MTOR: variants seen among roughly 807,000 people sequenced by gnomAD.
MTOR encodes serine/threonine-protein kinase mTOR.
In MTOR, 70 loss-of-function variants were observed where a neutral mutation model predicts 319.8. The ratio of observed to expected loss-of-function variants is 0.22; its 90% CI spans 0.18 to 0.27. MTOR has a LOEUF of 0.27. Ranked by LOEUF, MTOR falls within the 10% of genes least tolerant of loss-of-function variation. MTOR has a pLI of 1.00. For missense variants in MTOR, 1,890 were observed against 3,274.4 expected (o/e 0.58, Z 10.32); for synonymous variants, 1,183 against 1,211.4 (o/e 0.98, Z 0.49).
At chr1:11,152,290 A>G (rs1207679696) in intron 30 of MTOR, 1 of 152,182 alleles carries the variant, frequency 6.6e-6, no homozygotes, top group African/African-American at 2.4e-5. Flanking sequence ...GACTGGGTAA[A>G]AGGTGCACCC....
Position 11,231,347 on chromosome 1 carries a change from G to A in MTOR, c.2602C>T (p.Leu868=), listed in dbSNP as rs1472473191. 8 of 1,613,976 alleles carry A rather than the reference G, an allele frequency of 5.0e-6. No individual in the cohort carries two copies. In the African/African-American group the frequency reaches 5.3e-5, roughly 11 times the overall value. ...YRKYPTLLEV[L]LNFLKTEQNQ... ...TGCTCAGTCTTCAGAAAATTCAGTA[G>A]CACCTCAAGCAAAGTAGGGTACTTC... The change falls in exon 17 of 58, where the codon CTA becomes TTA. Residue 868 remains leucine, a synonymous_variant. Transcript: ENST00000361445.
chr1:11,149,829 T>C (rs1310072930), intron 31 of MTOR, among the ~76,000 whole-genome samples: 1 of 152,210 alleles, frequency 6.6e-6, no homozygotes, highest in Admixed American at 6.5e-5. Context: ...CTGGCATCAG[T>C]ACTCTGTGTG....
intron 19 of MTOR, among the ~76,000 whole-genome samples, chr1:11,222,544 C>G (rs1240287431): frequency 6.6e-6 from 1 of 151,884 alleles, no homozygotes; most frequent in Admixed American, 6.6e-5. Flanking sequence ...CTATGCTGCC[C>G]AGGTTGGTCT....
intron 36 of MTOR, 37 bp from the exon 37 acceptor site, chr1:11,134,503 TG>T: frequency 1.3e-6 from 2 of 1,593,494 alleles, no homozygotes; most frequent in Non-Finnish European, 1.7e-6. Flanking sequence ...CCACTTGGCT[TG>T]TGGCCCAGCT....
At chr1:11,141,260 C>T (rs983439028) in intron 34 of MTOR, among the ~76,000 whole-genome samples, 7 of 151,824 alleles carry the variant, frequency 4.6e-5, no homozygotes, top group South Asian at 2.1e-4. Context: ...GGACTATGGG[C>T]GCACATCACA....
intron 30 of MTOR, among the ~76,000 whole-genome samples, chr1:11,150,802 AT>A (rs1286794727): frequency 6.6e-6 from 1 of 152,232 alleles, no homozygotes; most frequent in Non-Finnish European, 1.5e-5. Flanking sequence ...ATATTGAGAT[AT>A]AAATGGTGCT....
intron 28 of MTOR, among the ~76,000 whole-genome samples, chr1:11,198,881 G>A (rs1645872656): frequency 2.0e-5 from 3 of 152,176 alleles, no homozygotes; most frequent in Admixed American, 2.0e-4. Flanking sequence ...GTGCCCTTGA[G>A]TACCCTCTGA....
chr1:11,177,672 T>A (rs1365261369), intron 28 of MTOR, among the ~76,000 whole-genome samples: 3 of 152,196 alleles, frequency 2.0e-5, no homozygotes, highest in Non-Finnish European at 4.4e-5. Flanking sequence ...AAATGGTTTG[T>A]CTGTCACAAT....
rs116420853 is a variant in MTOR, at chr1:11,218,020, C to T, written c.3031-1786G>A. On this transcript the variant is annotated intron_variant, in intron 19 of 57. Coordinates refer to ENST00000361445, the MANE Select transcript of MTOR (RefSeq NM_004958.4). ...TACAGCCTGGTCCCCATGTGGCACA[C>T]ATTTGACTCAGTAGGCTCATTTCTA... is the stretch of plus-strand genomic sequence containing the variant. Among the ~76,000 whole-genome samples, 923 of 152,286 alleles carry T rather than the reference C, an allele frequency of 6.1e-3. 10 individuals carry two copies. Among genetic ancestry groups the T allele is most frequent in the African/African-American group, 0.021 (866 of 41,568 alleles).
At position 11,106,978 on chromosome 1, in the gene MTOR, C is replaced by G. The variant is rs745618776; in HGVS notation, c.*507G>C. 1.5e-6 allele frequency: 2 copies of G among 1,370,718 alleles called. No individual in the cohort carries two copies. Among genetic ancestry groups the G allele is most frequent in the South Asian group, 2.4e-5 (2 of 81,718 alleles). 84.9% of individuals were successfully genotyped at this position (1,370,718 alleles called of 1,614,324 possible). A position where few individuals can be genotyped will look rare whatever the true frequency, so the allele number is the denominator to read the frequency against. The stretch of plus-strand genomic sequence containing the variant: ...TCTTGCAAACATTTCTGCTGCTGTC[C>G]ACAGACCAGTGAGGTCTTGGGATAG... On this transcript the variant is annotated 3_prime_UTR_variant, in exon 58 of 58. Transcript: ENST00000361445.
At chr1:11,219,468 T>A (rs1425179094) in intron 19 of MTOR, among the ~76,000 whole-genome samples, 4 of 152,160 alleles carry the variant, frequency 2.6e-5, no homozygotes, top group African/African-American at 9.7e-5. Flanking sequence ...GCCAAGAAAT[T>A]AAAGTTCTCA....
At chr1:11,195,322 G>T in intron 28 of MTOR, 1 of 293,148 alleles carries the variant, frequency 3.4e-6, no homozygotes. Flanking sequence ...TTTTCCACAT[G>T]ATTTGTCTGT....
At chr1:11,156,080 TC>T (rs1275651206) in intron 30 of MTOR, among the ~76,000 whole-genome samples, 1 of 152,170 alleles carries the variant, frequency 6.6e-6, no homozygotes, top group East Asian at 1.9e-4. Flanking sequence ...AACCTCCGCC[TC>T]CCGGGTTCAA....
intron 28 of MTOR, among the ~76,000 whole-genome samples, chr1:11,188,244 C>A (rs553923796): frequency 1.7e-4 from 26 of 152,254 alleles, no homozygotes; most frequent in South Asian, 8.3e-4. Flanking sequence ...TGTATAGATT[C>A]TTAGTGAAAA....
intron 28 of MTOR, chr1:11,195,197 T>G: frequency 1.4e-6 from 1 of 723,826 alleles, no homozygotes; most frequent in Non-Finnish European, 2.2e-6. Context: ...ACCAAGGATG[T>G]TACAGTAAAC....
chr1:11,168,447 A>G (rs1426719288), intron 28 of MTOR, among the ~76,000 whole-genome samples: 1 of 152,194 alleles, frequency 6.6e-6, no homozygotes. Flanking sequence ...AGGTGGCACC[A>G]AGGTTGGGGC....
chr1:11,117,914 T>C (rs1642259052), intron 49 of MTOR, among the ~76,000 whole-genome samples: 2 of 151,940 alleles, frequency 1.3e-5, no homozygotes, highest in African/African-American at 4.8e-5. Context: ...ATCCCGTTTC[T>C]ACTAAAAATG....
At chr1:11,171,571 A>T (rs1263345248) in intron 28 of MTOR, among the ~76,000 whole-genome samples, 1 of 152,116 alleles carries the variant, frequency 6.6e-6, no homozygotes, top group African/African-American at 2.4e-5. Context: ...GTGCATAAAA[A>T]ATGAGTTTTA....
At chr1:11,237,070 A>C (rs2100894653) in intron 13 of MTOR, among the ~76,000 whole-genome samples, 1 of 152,328 alleles carries the variant, frequency 6.6e-6, no homozygotes, top group East Asian at 1.9e-4. Flanking sequence ...ATGTTATAAA[A>C]AGTGTTTACT....
Sources: gnomAD v4.1 joint callset for allele counts (sites outside exome capture counted in the v4.1 genomes callset) on GRCh38, gnomAD v4.1.1 for gene constraint, MANE v1.5 for transcripts, NCBI Gene and HGNC (gene_info 2026-07-23, HGNC 2026-07-21) for gene names.